SEC24B: variants seen among roughly 807,000 people sequenced by gnomAD.
The protein encoded by SEC24B is SEC24 homolog B, COPII component.
SEC24B carries 45 observed loss-of-function variants against 142.8 expected under a neutral mutation model. The ratio of observed to expected loss-of-function variants is 0.32; its 90% confidence interval spans 0.25 to 0.40. SEC24B has a LOEUF of 0.40. Ranked by LOEUF, SEC24B falls within the 10% of genes least tolerant of loss-of-function variation. The pLI is 1.00. For synonymous variants in SEC24B, 574 were observed against 568.2 expected (o/e 1.01, Z -0.15); for missense variants, 1,409 against 1,526.8 (o/e 0.92, Z 1.29).
chr4:109,501,724 G>A (rs964575812), intron 6 of SEC24B, among the ~76,000 whole-genome samples: 5 of 152,084 alleles, frequency 3.3e-5, no homozygotes, highest in African/African-American at 1.2e-4. Context: ...TACCTGCTTC[G>A]GCCTCCCAAA....
At chr4:109,435,488 C>T (rs1728325187) in intron 1 of SEC24B, among the ~76,000 whole-genome samples, 1 of 152,160 alleles carries the variant, frequency 6.6e-6, no homozygotes, top group Non-Finnish European at 1.5e-5. Flanking sequence ...ACCAGTGATT[C>T]AAGGATTGTG....
At chr4:109,438,341 TCTCA>T (rs1157242606) in intron 1 of SEC24B, among the ~76,000 whole-genome samples, 1 of 152,214 alleles carries the variant, frequency 6.6e-6, no homozygotes, top group Admixed American at 6.5e-5. Context: ...AGAGACAGAA[TCTCA>T]CTCTGTCACC....
chr4:109,461,988 G>C (rs1165665396), intron 1 of SEC24B, among the ~76,000 whole-genome samples: 2 of 151,764 alleles, frequency 1.3e-5, no homozygotes, highest in African/African-American at 4.8e-5. Flanking sequence ...TGGTGTATGG[G>C]AGACCAGCCT....
intron 2 of SEC24B, among the ~76,000 whole-genome samples, chr4:109,468,244 C>G (rs1004426104): frequency 5.9e-5 from 9 of 152,174 alleles, no homozygotes; most frequent in Non-Finnish European, 8.8e-5. Flanking sequence ...CGTAATTTTA[C>G]TCCCTCACAT....
intron 4 of SEC24B, among the ~76,000 whole-genome samples, chr4:109,482,935 ACTATATATAT>A (rs1324824900): frequency 5.3e-5 from 2 of 37,532 alleles, no homozygotes; most frequent in African/African-American, 1.9e-4. Context: ...CCAGGCTTGT[ACTATATATAT>A]ATATATATAT....
In SEC24B at chr4:109,487,396, G is replaced by A. The variant is rs1005767720; in HGVS notation, c.1166-3931G>A. Among the ~76,000 whole-genome samples the A allele has an allele frequency of 2.0e-5, 3 of 152,124 alleles. No homozygotes were observed. The East Asian group carries it at 5.8e-4, about 29-fold the overall frequency. On this transcript the variant is annotated intron_variant, in intron 4 of 23. Coordinates refer to ENST00000265175, the MANE Select transcript of SEC24B (RefSeq NM_006323.5). Reference sequence around the variant, plus strand: ...TTGGGTCAAGAGTCAGAAGTTTGGTGTAACTGCAAAATAAGGTAAAAGGGA... The same window carrying A: ...TTGGGTCAAGAGTCAGAAGTTTGGTATAACTGCAAAATAAGGTAAAAGGGA...
chr4:109,513,818 A>G lies in SEC24B; in HGVS notation c.1975A>G (p.Asn659Asp). Residue 659 changes from asparagine (N) to aspartate (D), a missense_variant, in exon 10 of 24, where the codon AAT (asparagine) becomes GAT (aspartate). Asn to Asp is a conservative substitution (Grantham distance 23, BLOSUM62 1). This residue lies in a region of SEC24B where 700 missense variants were observed against 853.3 expected (regional missense o/e 0.82). Transcript: ENST00000265175. ...GEPHKRPEVQ[N>D]STVEFIASSD... Reference sequence around the variant, plus strand: ...GCCTCATAAACGACCAGAAGTTCAGAATTCAACTGTGGAGTTCATTGCTTC... The same window carrying G: ...GCCTCATAAACGACCAGAAGTTCAGGATTCAACTGTGGAGTTCATTGCTTC... 6.2e-7 allele frequency: 1 copy of G among 1,612,816 alleles called. No homozygotes were observed. The highest frequency in any genetic ancestry group is 8.5e-7 in the Non-Finnish European group (1 of 1,178,898).
At chr4:109,485,289 A>G (rs1296223678) in intron 4 of SEC24B, among the ~76,000 whole-genome samples, 1 of 152,218 alleles carries the variant, frequency 6.6e-6, no homozygotes, top group Non-Finnish European at 1.5e-5. Flanking sequence ...TATTTTACAG[A>G]TGAATTAACT....
At chr4:109,437,611 G>C (rs1359781127) in intron 1 of SEC24B, among the ~76,000 whole-genome samples, 1 of 152,028 alleles carries the variant, frequency 6.6e-6, no homozygotes, top group Non-Finnish European at 1.5e-5. Context: ...TTTACAAGTG[G>C]TTAGCAAATG....
At chr4:109,437,689 A>G (rs563359345) in intron 1 of SEC24B, among the ~76,000 whole-genome samples, 1 of 152,058 alleles carries the variant, frequency 6.6e-6, no homozygotes, top group Non-Finnish European at 1.5e-5. Flanking sequence ...CAGTGGCACG[A>G]TCTCAGCTCA....
chr4:109,477,401 C>T (rs529429257), intron 3 of SEC24B, among the ~76,000 whole-genome samples: 122 of 151,986 alleles, frequency 8.0e-4, no homozygotes, highest in Non-Finnish European at 1.3e-3. Context: ...CAGCCTCGAC[C>T]CTTGAGACCA....
chr4:109,520,305 T>C, intron 11 of SEC24B, 61 bp from the exon 12 acceptor site: 2 of 983,056 alleles, frequency 2.0e-6, no homozygotes, highest in Non-Finnish European at 3.2e-6. Context: ...ATTTCATTAT[T>C]TTCTGAAATG....
intron 1 of SEC24B, among the ~76,000 whole-genome samples, chr4:109,438,181 C>T (rs939427702): frequency 1.1e-4 from 17 of 152,134 alleles, no homozygotes; most frequent in Admixed American, 5.2e-4. Flanking sequence ...CTCTTGTTCA[C>T]GTTGTATAAT....
chr4:109,534,096 G>T (rs1238547658), intron 22 of SEC24B, among the ~76,000 whole-genome samples: 1 of 150,082 alleles, frequency 6.7e-6, no homozygotes. Flanking sequence ...AGATTGTAGT[G>T]CAGTGGCTCA....
At chr4:109,462,713 A>G (rs1731399760) in intron 1 of SEC24B, among the ~76,000 whole-genome samples, 188 bp from the exon 2 acceptor site, 1 of 152,208 alleles carries the variant, frequency 6.6e-6, no homozygotes, top group African/African-American at 2.4e-5. Flanking sequence ...GGTGTGAATA[A>G]CAGGAGGTGG....
At chr4:109,522,750 T>C (rs1345587131) in intron 14 of SEC24B, among the ~76,000 whole-genome samples, 1 of 151,924 alleles carries the variant, frequency 6.6e-6, no homozygotes, top group African/African-American at 2.4e-5. Context: ...ACATCATACG[T>C]GTGTGTGTGT....
chr4:109,450,972 C>T (rs1468143376), intron 1 of SEC24B: 2 of 152,052 alleles, frequency 1.3e-5, no homozygotes, highest in African/African-American at 4.8e-5. Context: ...ACCCAATCAG[C>T]ATAACACATT....
chr4:109,469,530 C>T (rs902239481), intron 2 of SEC24B, among the ~76,000 whole-genome samples: 1 of 152,142 alleles, frequency 6.6e-6, no homozygotes, highest in East Asian at 1.9e-4. Flanking sequence ...TATGGTACTT[C>T]GGAGCATTAC....
At chr4:109,462,040 G>A (rs1731313051) in intron 1 of SEC24B, among the ~76,000 whole-genome samples, 1 of 152,078 alleles carries the variant, frequency 6.6e-6, no homozygotes, top group African/African-American at 2.4e-5. Context: ...AAATAAATAA[G>A]TAAAAATTAG....
Sources: allele counts gnomAD v4.1 joint callset (sites outside exome capture counted in the v4.1 genomes callset), GRCh38; gene constraint gnomAD v4.1.1; regional missense constraint gnomAD v4.1.1; transcripts MANE v1.5; gene names NCBI Gene and HGNC (gene_info 2026-07-23, HGNC 2026-07-21).